Variants in BTD observed in about 807,000 individuals in gnomAD.
BTD encodes the protein biotinidase, also known as biocytinase.
BTD carries 13 observed loss-of-function variants against 17.7 expected under a neutral mutation model. The observed-to-expected ratio is 0.74, with a 90% confidence interval of 0.48 to 1.17. BTD has a LOEUF of 1.17. Ranked by LOEUF, BTD falls within the 50% of genes most tolerant of loss-of-function variation. The pLI is 0.00. For synonymous variants in BTD, 240 were observed against 245.2 expected (o/e 0.98, Z 0.20); for missense variants, 674 against 650.4 (o/e 1.04, Z -0.39).
rs964346697 is a variant in BTD, at chr3:15,648,584, G to A, written c.*3096G>A. 3.9e-5 allele frequency among the ~76,000 whole-genome samples: 6 copies of A among 152,328 alleles called. No individual in the cohort carries two copies. The East Asian group carries it at 1.2e-3, about 29-fold the overall frequency. The stretch of plus-strand genomic sequence containing the variant: ...AGGCTACAGTCAAGATGTCAGCCGA[G>A]GTGACAGTGAAGATATCAACCAAGG... On this transcript the variant is annotated 3_prime_UTR_variant, in exon 4 of 4. Transcript: ENST00000643237.
chr3:15,671,423 T>C (rs1210713878), intron 3 of BTD, among the ~76,000 whole-genome samples: 1 of 152,074 alleles, frequency 6.6e-6, no homozygotes, highest in East Asian at 1.9e-4. Context: ...ATAACCACCA[T>C]ACAGATTAAG....
At position 15,626,631 on chromosome 3, in the gene BTD, G is replaced by T. The variant is rs111873751; in HGVS notation, c.-16-8793G>T. 3.4e-4 allele frequency among the ~76,000 whole-genome samples: 51 copies of T among 152,098 alleles called. 2 individuals carry two copies. The highest frequency in any genetic ancestry group is 1.0e-3 in the Admixed American group (16 of 15,278). On this transcript the variant is annotated intron_variant, in intron 1 of 3. Transcript: ENST00000643237. Reference sequence around the variant, plus strand: ...ATCTCTACAAAAAATTAAAAAATTAGTCACACATGGTAGCATGCACCTGTA... The same window carrying T: ...ATCTCTACAAAAAATTAAAAAATTATTCACACATGGTAGCATGCACCTGTA...
chr3:15,623,572 C>CTCTGCTTTTGAAGGTTAA, intron 1 of BTD, among the ~76,000 whole-genome samples: 1 of 152,150 alleles, frequency 6.6e-6, no homozygotes, highest in African/African-American at 2.4e-5. Context: ...TATCTTATTT[C>CTCTGCTTTTGAAGGTTAA]TCTGCTTTTG....
At position 15,651,307 on chromosome 3, in the gene BTD, T is replaced by C. The variant is rs571229865; in HGVS notation, c.*5819T>C. ...TTTCACTGTGATGCCAGTCAGGTATTGCTGCCGTAAGGGCCATAGCAGGAG... is the reference window on the plus strand; with the variant it reads ...TTTCACTGTGATGCCAGTCAGGTATCGCTGCCGTAAGGGCCATAGCAGGAG... On this transcript the variant is annotated 3_prime_UTR_variant, in exon 4 of 4. Transcript: ENST00000643237. 6.6e-6 allele frequency among the ~76,000 whole-genome samples: 1 copy of C among 152,352 alleles called. No individual in the cohort carries two copies. The highest frequency in any genetic ancestry group is 2.1e-4 in the South Asian group (1 of 4,832).
chr3:15,707,794 ATAGACT>A, intron 3 of BTD: 1 of 1,141,174 alleles, frequency 8.8e-7, no homozygotes, highest in South Asian at 1.7e-5. Context: ...ATTTCCCAAA[ATAGACT>A]TAGGGCAAAG....
At chr3:15,610,282 G>C (rs1485532817) in intron 1 of BTD, among the ~76,000 whole-genome samples, 1 of 152,204 alleles carries the variant, frequency 6.6e-6, no homozygotes, top group Non-Finnish European at 1.5e-5. Flanking sequence ...CACTCAGCAG[G>C]CTAGCTGGAC....
chr3:15,659,766 T>C (rs1305788506), intron 3 of BTD, among the ~76,000 whole-genome samples: 1 of 152,216 alleles, frequency 6.6e-6, no homozygotes, highest in East Asian at 1.9e-4. Flanking sequence ...TACTAGGCAG[T>C]GTGCCAAGTC....
At chr3:15,640,195 AGAT>A in intron 2 of BTD, among the ~76,000 whole-genome samples, 2 of 152,368 alleles carry the variant, frequency 1.3e-5, no homozygotes, top group Middle Eastern at 6.8e-3. Context: ...AATAATCAAA[AGAT>A]GCAATCAAAG....
At chr3:15,618,343 T>C (rs990118104) in intron 1 of BTD, among the ~76,000 whole-genome samples, 4 of 152,208 alleles carry the variant, frequency 2.6e-5, no homozygotes, top group African/African-American at 9.7e-5. Flanking sequence ...AATCTATAGA[T>C]CAAGTTGTTC....
At chr3:15,616,617 C>CA (rs74719021) in intron 1 of BTD, among the ~76,000 whole-genome samples, 37 of 146,108 alleles carry the variant, frequency 2.5e-4, no homozygotes, top group Middle Eastern at 3.5e-3. Context: ...ACTTCATCTT[C>CA]AAAAAAAAAA....
chr3:15,664,445 G>A (rs2065957503), intron 3 of BTD, among the ~76,000 whole-genome samples: 1 of 152,164 alleles, frequency 6.6e-6, no homozygotes, highest in African/African-American at 2.4e-5. Flanking sequence ...CAGTGAAAAA[G>A]GCAACTAATC....
At chr3:15,602,656 G>T (rs2064303568) in intron 1 of BTD, among the ~76,000 whole-genome samples, 1 of 152,282 alleles carries the variant, frequency 6.6e-6, no homozygotes, top group East Asian at 1.9e-4. Flanking sequence ...GATGAGAGGG[G>T]AGTGGGTCAT....
intron 1 of BTD, among the ~76,000 whole-genome samples, chr3:15,608,762 C>A (rs1375912483): frequency 7.0e-6 from 1 of 142,700 alleles, no homozygotes; most frequent in Non-Finnish European, 1.5e-5. Flanking sequence ...GAGACTCCGT[C>A]TCAAAAAAAA....
At chr3:15,610,423 C>T (rs1474665914) in intron 1 of BTD, among the ~76,000 whole-genome samples, 1 of 152,198 alleles carries the variant, frequency 6.6e-6, no homozygotes, top group Admixed American at 6.5e-5. Flanking sequence ...AAGTTAAAGG[C>T]ATTCGAGTTA....
At chr3:15,640,083 G>A (rs943717439) in intron 2 of BTD, among the ~76,000 whole-genome samples, 4 of 152,162 alleles carry the variant, frequency 2.6e-5, no homozygotes, top group Admixed American at 1.3e-4. Context: ...CAGCCTGGGC[G>A]ACAGACCAAG....
intron 3 of BTD, among the ~76,000 whole-genome samples, chr3:15,680,060 C>G (rs1398635370): frequency 1.3e-5 from 2 of 152,036 alleles, no homozygotes; most frequent in African/African-American, 2.4e-5. Flanking sequence ...CACAAGGGGT[C>G]CTGGAAACCA....
Position 15,610,232 on chromosome 3 carries a change from G to A in BTD, c.-17+8338G>A, listed in dbSNP as rs544349222. 5.3e-5 allele frequency among the ~76,000 whole-genome samples: 8 copies of A among 152,324 alleles called. No homozygotes were observed. The South Asian group carries it at 1.7e-3, about 32-fold the overall frequency. The stretch of plus-strand genomic sequence containing the variant: ...CCTGGAGGTTAGCTGGTTGTCCACT[G>A]GGATAGCGGGCATATTGCCAGTGAG... On this transcript the variant is annotated intron_variant, in intron 1 of 3. Transcript: ENST00000643237.
chr3:15,601,724 C>G (rs758422882), upstream of BTD: 1 of 1,570,738 alleles, frequency 6.4e-7, no homozygotes, highest in Non-Finnish European at 8.6e-7. Context: ...CGCCAGAATG[C>G]CAGAGGGAGG....
chr3:15,716,018 T>C (rs1488219160), downstream of BTD, among the ~76,000 whole-genome samples: 1 of 151,874 alleles, frequency 6.6e-6, no homozygotes, highest in Non-Finnish European at 1.5e-5. Flanking sequence ...AGACTTGCTT[T>C]GTTGCCCAGG....
Sources: allele counts gnomAD v4.1 joint callset (sites outside exome capture counted in the v4.1 genomes callset), GRCh38; gene constraint gnomAD v4.1.1; transcripts MANE v1.5; gene names NCBI Gene and HGNC (gene_info 2026-07-23, HGNC 2026-07-21).